TRAPPC9: variants seen among roughly 807,000 people sequenced by gnomAD.
TRAPPC9 encodes IKK2 binding protein.
A neutral mutation model predicts 124.0 loss-of-function variants in TRAPPC9; 83 were observed. The observed-to-expected ratio is 0.67, with a 90% CI of 0.56 to 0.80. The LOEUF (loss-of-function observed/expected upper bound fraction) is 0.80. Among genes scored for constraint, TRAPPC9 ranks in the 30% least tolerant of loss-of-function variants. The pLI is 0.00. For synonymous variants in TRAPPC9, 638 were observed against 617.5 expected, an observed-to-expected ratio of 1.03 and a Z score of -0.49; for missense variants, 1,302 against 1,508.3, an observed-to-expected ratio of 0.86 and a Z score of 2.27.
chr8:140,327,231 C>T lies in TRAPPC9; in HGVS notation c.1496-15857G>A, dbSNP rs918437781. ...TCACGCCACTGCACTCCAGCCTGGGCGACAGGACATCTAAAAAAAAAGACA... is the reference window on the plus strand; with the variant it reads ...TCACGCCACTGCACTCCAGCCTGGGTGACAGGACATCTAAAAAAAAAGACA... On this transcript the variant is annotated intron_variant, in intron 9 of 22. Coordinates refer to ENST00000438773, the MANE Select transcript of TRAPPC9 (RefSeq NM_001160372.4). Among the ~76,000 whole-genome samples the T allele has an allele frequency of 5.3e-5, 8 of 151,904 alleles. No individual in the cohort carries two copies. The South Asian group carries it at 1.2e-3, about 24-fold the overall frequency.
intron 19 of TRAPPC9, among the ~76,000 whole-genome samples, chr8:139,988,518 C>A (rs1312967505): frequency 2.0e-5 from 3 of 152,182 alleles, no homozygotes; most frequent in Non-Finnish European, 4.4e-5. Context: ...CAGACGCCAT[C>A]CGGCTTTACC....
At chr8:140,335,160 A>G (rs1013859999) in intron 9 of TRAPPC9, among the ~76,000 whole-genome samples, 3 of 152,148 alleles carry the variant, frequency 2.0e-5, no homozygotes, top group African/African-American at 7.2e-5. Flanking sequence ...GACACTGCAG[A>G]TTCTTAAGGA....
intron 9 of TRAPPC9, among the ~76,000 whole-genome samples, chr8:140,337,759 G>A (rs2067083180): frequency 6.6e-6 from 1 of 152,196 alleles, no homozygotes; most frequent in Non-Finnish European, 1.5e-5. Flanking sequence ...GGGAGGTGGA[G>A]CCAAGGCTTA....
chr8:140,236,234 C>T (rs1364396335), intron 16 of TRAPPC9, among the ~76,000 whole-genome samples: 1 of 152,082 alleles, frequency 6.6e-6, no homozygotes, highest in African/African-American at 2.4e-5. Flanking sequence ...AAGCGTGTGC[C>T]ACCATGCCCA....
intron 19 of TRAPPC9, among the ~76,000 whole-genome samples, chr8:139,943,342 C>T (rs1834024604): frequency 6.6e-6 from 1 of 152,218 alleles, no homozygotes; most frequent in Admixed American, 6.5e-5. Context: ...GCTGGGATTA[C>T]AGGCATGAAC....
At chr8:140,151,835 C>T (rs2061548010) in intron 17 of TRAPPC9, among the ~76,000 whole-genome samples, 1 of 152,126 alleles carries the variant, frequency 6.6e-6, no homozygotes, top group African/African-American at 2.4e-5. Context: ...GTCTTCATGC[C>T]AATGACACTC....
chr8:140,091,742 T>C (rs1844578127), intron 17 of TRAPPC9, among the ~76,000 whole-genome samples: 1 of 152,190 alleles, frequency 6.6e-6, no homozygotes, highest in South Asian at 2.1e-4. Flanking sequence ...AGGGTTCTGA[T>C]CTGCTGTCCC....
At chr8:140,124,718 C>T (rs75442862) in intron 17 of TRAPPC9, among the ~76,000 whole-genome samples, 7 of 66,220 alleles carry the variant, frequency 1.1e-4, no homozygotes, top group Middle Eastern at 8.5e-3. Flanking sequence ...GAGGACCCTC[C>T]GAGGGGAGGA....
At chr8:139,806,648 CTCCT>C (rs1824082284) in intron 21 of TRAPPC9, among the ~76,000 whole-genome samples, 1 of 152,108 alleles carries the variant, frequency 6.6e-6, no homozygotes, top group East Asian at 1.9e-4. Flanking sequence ...CTCTGAGTGG[CTCCT>C]TGAACTGCCT....
intron 5 of TRAPPC9, among the ~76,000 whole-genome samples, chr8:140,425,151 G>T (rs1038607231): frequency 4.6e-5 from 7 of 152,308 alleles, no homozygotes; most frequent in Middle Eastern, 3.4e-3. Flanking sequence ...TTTCAGTAGC[G>T]AGTCAGTCCT....
chr8:140,185,564 T>C (rs1042070014), intron 17 of TRAPPC9, among the ~76,000 whole-genome samples: 1 of 152,178 alleles, frequency 6.6e-6, no homozygotes, highest in African/African-American at 2.4e-5. Context: ...AGGTAGGCCA[T>C]CACTCCTGCC....
At chr8:139,886,426 C>A (rs961060940) in intron 20 of TRAPPC9, among the ~76,000 whole-genome samples, 1 of 152,170 alleles carries the variant, frequency 6.6e-6, no homozygotes, top group Admixed American at 6.5e-5. Context: ...TTATTACGAA[C>A]GAACTCACTT....
At chr8:139,918,678 T>C (rs1832307476) in intron 19 of TRAPPC9, among the ~76,000 whole-genome samples, 1 of 152,258 alleles carries the variant, frequency 6.6e-6, no homozygotes, top group Admixed American at 6.5e-5. Flanking sequence ...AGCACTGCTG[T>C]GGGAAGCACA....
chr8:140,327,185 G>A (rs909839006), intron 9 of TRAPPC9, among the ~76,000 whole-genome samples: 8 of 151,986 alleles, frequency 5.3e-5, no homozygotes, highest in South Asian at 2.1e-4. Context: ...CCTGGGAGGC[G>A]GAGGTTGCAG....
At chr8:139,814,252 CAG>C (rs566100617) in intron 21 of TRAPPC9, among the ~76,000 whole-genome samples, 46 of 152,344 alleles carry the variant, frequency 3.0e-4, no homozygotes, top group Non-Finnish European at 5.0e-4. Flanking sequence ...GGCGGCAGAA[CAG>C]AGATGAAGCC....
At chr8:139,989,134 C>T (rs1421074238) in intron 18 of TRAPPC9, among the ~76,000 whole-genome samples, 6 of 152,180 alleles carry the variant, frequency 3.9e-5, no homozygotes, top group Admixed American at 1.3e-4. Flanking sequence ...GAAGGTAACC[C>T]GAATTCTCCA....
chr8:140,291,561 C>T (rs2131766135), intron 11 of TRAPPC9, among the ~76,000 whole-genome samples: 1 of 152,376 alleles, frequency 6.6e-6, no homozygotes, highest in East Asian at 1.9e-4. Flanking sequence ...TTCTGACGAC[C>T]TCCAAAACCC....
At chr8:139,851,752 T>C (rs1410982416) in intron 21 of TRAPPC9, among the ~76,000 whole-genome samples, 1 of 152,228 alleles carries the variant, frequency 6.6e-6, no homozygotes, top group Non-Finnish European at 1.5e-5. Flanking sequence ...CATGGCTGCA[T>C]ACAGTACTTG....
chr8:140,185,695 C>T (rs764072057), intron 17 of TRAPPC9, among the ~76,000 whole-genome samples: 2 of 152,172 alleles, frequency 1.3e-5, no homozygotes, highest in African/African-American at 2.4e-5. Context: ...CAGCGAGGGG[C>T]GGGGACTGTG....
Sources: gnomAD v4.1 joint callset for allele counts (sites outside exome capture counted in the v4.1 genomes callset) on GRCh38, gnomAD v4.1.1 for gene constraint, MANE v1.5 for transcripts, NCBI Gene and HGNC (gene_info 2026-07-23, HGNC 2026-07-21) for gene names.